The following NRXN3 variants were observed in gnomAD, a reference collection of about 807,000 sequenced individuals.
The protein encoded by NRXN3 is neurexin 3.
A neutral mutation model predicts 137.6 loss-of-function variants in NRXN3; 32 were observed. The observed-to-expected ratio is 0.23, with a 90% CI of 0.18 to 0.31. The LOEUF is 0.31. Among genes scored for constraint, NRXN3 ranks in the 10% least tolerant of loss-of-function variants. NRXN3 has a pLI of 1.00. For missense variants in NRXN3, 1,574 were observed against 2,062.5 expected, an observed-to-expected ratio of 0.76 and a Z score of 4.59; for synonymous variants, 798 against 784.5, an observed-to-expected ratio of 1.02 and a Z score of -0.29.
intron 4 of NRXN3, among the ~76,000 whole-genome samples, chr14:78,588,466 T>G (rs908649376): frequency 1.3e-5 from 2 of 152,226 alleles, no homozygotes; most frequent in Non-Finnish European, 2.9e-5. Context: ...GTTCCACTTC[T>G]CCTGGGCTCC....
At chr14:78,597,348 T>A (rs536668836) in intron 4 of NRXN3, among the ~76,000 whole-genome samples, 138 of 152,332 alleles carry the variant, frequency 9.1e-4, no homozygotes, top group African/African-American at 3.2e-3. Flanking sequence ...AAAGATAGAA[T>A]CCTATTTTTT....
intron 15 of NRXN3, among the ~76,000 whole-genome samples, chr14:78,994,392 A>T (rs1008530424): frequency 6.6e-6 from 1 of 151,666 alleles, no homozygotes; most frequent in African/African-American, 2.4e-5. Flanking sequence ...TTCAAGATAT[A>T]AAAAAAAATT....
intron 8 of NRXN3, among the ~76,000 whole-genome samples, chr14:78,737,369 T>G (rs1323344053): frequency 6.6e-6 from 1 of 151,958 alleles, no homozygotes; most frequent in Non-Finnish European, 1.5e-5. Context: ...CCGGATAGAG[T>G]TGGCCCTAAG....
chr14:78,688,574 T>C (rs541353208), intron 6 of NRXN3, among the ~76,000 whole-genome samples: 1 of 152,242 alleles, frequency 6.6e-6, no homozygotes, highest in Admixed American at 6.5e-5. Context: ...AGTTTTGCTG[T>C]AATCATAGCA....
chr14:79,280,426 C>T (rs1321333854), intron 15 of NRXN3: 3 of 1,614,124 alleles, frequency 1.9e-6, no homozygotes, highest in Middle Eastern at 1.6e-4. Context: ...CCTCCTCCAC[C>T]TCTTCCTCGC....
chr14:79,066,107 TAG>T (rs1210320311), intron 15 of NRXN3, among the ~76,000 whole-genome samples: 1 of 152,324 alleles, frequency 6.6e-6, no homozygotes, highest in Non-Finnish European at 1.5e-5. Context: ...GATTTTCTTC[TAG>T]AGTTTTTATA....
rs2098725809 is a variant in NRXN3, at chr14:78,770,981, A to G, written c.2045-32639A>G. ...AGGAAAGCAGCAATCAGAACAATGC[A>G]GTTTCCCAGAGGGCTCTTTAGCAGA... On this transcript the variant is annotated intron_variant, in intron 8 of 20. Coordinates refer to ENST00000335750, the MANE Select transcript of NRXN3 (RefSeq NM_001330195.2). Among the ~76,000 whole-genome samples, 4 of 152,362 alleles carry G rather than the reference A, an allele frequency of 2.6e-5. No homozygotes were observed. In the South Asian group the frequency reaches 8.3e-4, roughly 32 times the overall value.
At chr14:78,689,138 T>C (rs1046370990) in intron 6 of NRXN3, among the ~76,000 whole-genome samples, 1 of 152,134 alleles carries the variant, frequency 6.6e-6, no homozygotes, top group African/African-American at 2.4e-5. Context: ...TCTGTTCTTT[T>C]TGTTATTGTT....
At chr14:78,550,722 C>T (rs1337065950) in intron 4 of NRXN3, among the ~76,000 whole-genome samples, 1 of 152,106 alleles carries the variant, frequency 6.6e-6, no homozygotes, top group Non-Finnish European at 1.5e-5. Context: ...ACAGGACTTC[C>T]GGGTTTGGAG....
chr14:78,418,560 A>G (rs1390687349), intron 4 of NRXN3, among the ~76,000 whole-genome samples: 1 of 152,098 alleles, frequency 6.6e-6, no homozygotes, highest in Non-Finnish European at 1.5e-5. Flanking sequence ...GGGGCAAGAA[A>G]CTCCATGCAG....
intron 1 of NRXN3, among the ~76,000 whole-genome samples, chr14:78,187,212 CTT>C (rs962654086): frequency 2.0e-5 from 3 of 150,864 alleles, no homozygotes; most frequent in Admixed American, 2.0e-4. Context: ...CCCAAGATCT[CTT>C]AGCAAGTATG....
chr14:79,222,186 G>A (rs143929432), intron 15 of NRXN3, among the ~76,000 whole-genome samples: 4,192 of 152,204 alleles, frequency 0.028, 135 homozygotes, highest in South Asian at 0.085. Context: ...GTCAGGTAGT[G>A]TGATGCCCCC....
At chr14:78,751,022 C>T (rs767777271) in intron 8 of NRXN3, among the ~76,000 whole-genome samples, 27 of 152,154 alleles carry the variant, frequency 1.8e-4, no homozygotes, top group Non-Finnish European at 2.9e-4. Flanking sequence ...TTTTGTCATG[C>T]GGCTTAGGTG....
At chr14:79,309,527 A>C (rs2086819144) in intron 15 of NRXN3, among the ~76,000 whole-genome samples, 1 of 6,738 alleles carries the variant, frequency 1.5e-4, no homozygotes, top group African/African-American at 6.4e-4. Context: ...ACAATGGTTG[A>C]ACTAGTTTAC....
At chr14:78,748,245 T>C (rs2098622355) in intron 8 of NRXN3, among the ~76,000 whole-genome samples, 1 of 152,150 alleles carries the variant, frequency 6.6e-6, no homozygotes, top group Non-Finnish European at 1.5e-5. Flanking sequence ...TCAGGTCACC[T>C]ATGTATAAAG....
At chr14:79,553,567 A>G (rs944110873) in intron 16 of NRXN3, among the ~76,000 whole-genome samples, 3 of 152,146 alleles carry the variant, frequency 2.0e-5, no homozygotes, top group Non-Finnish European at 4.4e-5. Flanking sequence ...TCATTTGGTA[A>G]GTGGGATCCT....
chr14:78,560,368 C>T (rs1463864760), intron 4 of NRXN3, among the ~76,000 whole-genome samples: 2 of 152,184 alleles, frequency 1.3e-5, no homozygotes, highest in Non-Finnish European at 2.9e-5. Context: ...GGGAAATTTC[C>T]AGAACTACAA....
At chr14:79,830,291 T>C (rs1298988811) in intron 20 of NRXN3, among the ~76,000 whole-genome samples, 1 of 152,204 alleles carries the variant, frequency 6.6e-6, no homozygotes, top group Non-Finnish European at 1.5e-5. Flanking sequence ...AAAAAAGGAA[T>C]GCTTTGTACA....
intron 4 of NRXN3, among the ~76,000 whole-genome samples, chr14:78,568,207 G>A (rs527347931): frequency 1.3e-4 from 20 of 152,314 alleles, no homozygotes; most frequent in African/African-American, 4.3e-4. Context: ...CAATGTGATG[G>A]TATTAGGAGG....
Sources: gnomAD v4.1 joint callset for allele counts (sites outside exome capture counted in the v4.1 genomes callset) on GRCh38, gnomAD v4.1.1 for gene constraint, MANE v1.5 for transcripts, NCBI Gene and HGNC (gene_info 2026-07-23, HGNC 2026-07-21) for gene names.